Variants in MAPK10 observed in about 807,000 individuals in gnomAD.
MAPK10 encodes mitogen-activated protein kinase 10, also known as JNK3 alpha protein kinase.
A neutral mutation model predicts 59.3 loss-of-function variants in MAPK10; 25 were observed. The ratio of observed to expected loss-of-function variants is 0.42; its 90% confidence interval spans 0.31 to 0.59. MAPK10 has a LOEUF of 0.59. Ranked by LOEUF, MAPK10 falls within the 20% of genes least tolerant of loss-of-function variation. MAPK10 has a pLI of 0.15. For synonymous variants in MAPK10, 190 were observed against 200.5 expected (o/e 0.95, Z 0.44); for missense variants, 351 against 568.9 (o/e 0.62, Z 3.90).
chr4:86,438,080 C>T (rs1009349176), intron 1 of MAPK10, among the ~76,000 whole-genome samples: 3 of 152,100 alleles, frequency 2.0e-5, no homozygotes, highest in Non-Finnish European at 4.4e-5. Flanking sequence ...CATTGGTTAC[C>T]TTCAAGAGGG....
intron 2 of MAPK10, among the ~76,000 whole-genome samples, chr4:86,260,354 T>G (rs59257377): frequency 0.052 from 7,880 of 152,184 alleles, 287 homozygotes; most frequent in African/African-American, 0.091. Flanking sequence ...AAATGTAACA[T>G]GTGGAATTAT....
upstream of MAPK10, among the ~76,000 whole-genome samples, chr4:86,362,449 G>T (rs1405242232): frequency 6.7e-6 from 1 of 149,144 alleles, no homozygotes; most frequent in African/African-American, 2.5e-5. Context: ...AAAATTAAAA[G>T]CTTCCACTTA....
intron 2 of MAPK10, among the ~76,000 whole-genome samples, chr4:86,321,132 T>G (rs1472363875): frequency 6.6e-6 from 1 of 151,968 alleles, no homozygotes; most frequent in Non-Finnish European, 1.5e-5. Flanking sequence ...TTTACACTGT[T>G]GGTGGGACTG....
intron 3 of MAPK10, among the ~76,000 whole-genome samples, chr4:86,164,821 G>T (rs903267108): frequency 3.9e-5 from 6 of 151,990 alleles, no homozygotes; most frequent in Non-Finnish European, 7.4e-5. Context: ...ACTATTAATT[G>T]GTGGTACCAA....
At chr4:86,042,217 A>C (rs1451077058) in intron 11 of MAPK10, among the ~76,000 whole-genome samples, 2 of 152,190 alleles carry the variant, frequency 1.3e-5, no homozygotes, top group Admixed American at 6.5e-5. Flanking sequence ...AACAACTAGC[A>C]CAGGAACAAA....
At chr4:86,433,555 CTTTTTT>C (rs574706672) in intron 1 of MAPK10, among the ~76,000 whole-genome samples, 4 of 97,600 alleles carry the variant, frequency 4.1e-5, no homozygotes, top group Non-Finnish European at 6.0e-5. Flanking sequence ...GGGCCTTCTT[CTTTTTT>C]TTTTTTTTTT....
chr4:86,321,963 C>G (rs2148894287), intron 2 of MAPK10: 1 of 151,876 alleles, frequency 6.6e-6, no homozygotes, highest in East Asian at 1.9e-4. Context: ...TCCCAAAGTG[C>G]TGGGGTTACA....
rs78632613 is a variant in MAPK10, at chr4:86,049,608, C to T, written c.1110+14658G>A. Reference sequence around the variant, plus strand: ...ATTACCTCCATAAGCTTTAAGAAAACCTTCTTTAATAACATCCTATGTTTT... The same window carrying T: ...ATTACCTCCATAAGCTTTAAGAAAATCTTCTTTAATAACATCCTATGTTTT... On this transcript the variant is annotated intron_variant, in intron 11 of 13. Coordinates refer to ENST00000641462, the MANE Select transcript of MAPK10 (RefSeq NM_138982.4). Among the ~76,000 whole-genome samples, 1,396 of 152,060 alleles carry T rather than the reference C, an allele frequency of 9.2e-3. 18 individuals are homozygous for T. The highest frequency in any genetic ancestry group is 0.032 in the African/African-American group (1,330 of 41,510).
At chr4:86,301,029 T>C (rs972894936) in intron 2 of MAPK10, among the ~76,000 whole-genome samples, 4 of 152,056 alleles carry the variant, frequency 2.6e-5, no homozygotes, top group Admixed American at 6.6e-5. Context: ...TTCCTAACCA[T>C]GGATATTTTG....
At chr4:86,487,159 T>G (rs948120496) in intron 1 of MAPK10, among the ~76,000 whole-genome samples, 1 of 152,076 alleles carries the variant, frequency 6.6e-6, no homozygotes, top group African/African-American at 2.4e-5. Flanking sequence ...ATAACAGACA[T>G]GATTAGGGCA....
At chr4:86,189,320 T>C (rs1203089139) in intron 3 of MAPK10, among the ~76,000 whole-genome samples, 3 of 152,238 alleles carry the variant, frequency 2.0e-5, no homozygotes, top group African/African-American at 7.2e-5. Context: ...ATTGAATCTA[T>C]AAATTACTTT....
At chr4:86,375,769 T>C (rs908889872) in intron 1 of MAPK10, among the ~76,000 whole-genome samples, 4 of 139,210 alleles carry the variant, frequency 2.9e-5, no homozygotes, top group Non-Finnish European at 1.6e-5. Context: ...ATTCTGTTTC[T>C]AATAAATATA....
intron 1 of MAPK10, among the ~76,000 whole-genome samples, chr4:86,560,347 A>T (rs1760580463): frequency 6.6e-6 from 1 of 152,250 alleles, no homozygotes; most frequent in Non-Finnish European, 1.5e-5. Flanking sequence ...GTTGGATGTT[A>T]CAAAATAATC....
At chr4:86,477,272 C>T (rs1753177550) in intron 1 of MAPK10, among the ~76,000 whole-genome samples, 1 of 152,178 alleles carries the variant, frequency 6.6e-6, no homozygotes, top group African/African-American at 2.4e-5. Context: ...AACTCCCCAA[C>T]TCTGGTGCCA....
intron 1 of MAPK10, among the ~76,000 whole-genome samples, chr4:86,404,264 A>G (rs2149020031): frequency 6.6e-6 from 1 of 152,230 alleles, no homozygotes; most frequent in East Asian, 1.9e-4. Context: ...TCTGAATGAC[A>G]TGGGAGAGAA....
At chr4:86,106,917 T>C (rs1003192686) in intron 5 of MAPK10, 3 of 171,368 alleles carry the variant, frequency 1.8e-5, no homozygotes, top group African/African-American at 7.1e-5. Context: ...CTTTTGGCTT[T>C]GCTTGTCTTG....
intron 1 of MAPK10, among the ~76,000 whole-genome samples, chr4:86,507,596 T>C (rs1427592511): frequency 1.0e-5 from 1 of 98,042 alleles, no homozygotes; most frequent in Non-Finnish European, 2.0e-5. Flanking sequence ...CATGTTACTA[T>C]TAAAAAGAAT....
At chr4:86,318,970 G>T (rs2095841125) in intron 2 of MAPK10, among the ~76,000 whole-genome samples, 1 of 152,188 alleles carries the variant, frequency 6.6e-6, no homozygotes, top group Non-Finnish European at 1.5e-5. Flanking sequence ...GAAAGGCGGA[G>T]TTTTCTATGT....
chr4:86,273,113 A>AT (rs982506352), intron 2 of MAPK10, among the ~76,000 whole-genome samples: 11 of 152,196 alleles, frequency 7.2e-5, no homozygotes, highest in African/African-American at 2.2e-4. Context: ...CTATTTTACC[A>AT]TTTTTTTGAA....
Sources: gnomAD v4.1 joint callset for allele counts (sites outside exome capture counted in the v4.1 genomes callset) on GRCh38, gnomAD v4.1.1 for gene constraint, MANE v1.5 for transcripts, NCBI Gene and HGNC (gene_info 2026-07-23, HGNC 2026-07-21) for gene names.